BDH1: variants seen among roughly 807,000 people sequenced by gnomAD.
The protein encoded by BDH1 is D-beta-hydroxybutyrate dehydrogenase, mitochondrial.
BDH1 carries 30 observed loss-of-function variants against 33.1 expected under a neutral mutation model. That is an observed-to-expected ratio of 0.91 (90% confidence interval 0.68 to 1.23). The LOEUF is 1.23. BDH1 is among the 50% of genes most tolerant of loss of function. The pLI is 0.00. For synonymous variants in BDH1, 190 were observed against 183.6 expected, an observed-to-expected ratio of 1.03 and a Z score of -0.28; for missense variants, 443 against 464.4, an observed-to-expected ratio of 0.95 and a Z score of 0.42.
intron 6 of BDH1, among the ~76,000 whole-genome samples, chr3:197,519,374 G>C (rs956287088): frequency 2.2e-4 from 34 of 152,136 alleles, no homozygotes; most frequent in Middle Eastern, 3.4e-3. Context: ...AATAAGTGAA[G>C]CCCAGGTCAG....
At chr3:197,565,999 CTTTGT>C (rs1419598592) in intron 1 of BDH1, among the ~76,000 whole-genome samples, 1 of 152,236 alleles carries the variant, frequency 6.6e-6, no homozygotes, top group East Asian at 1.9e-4. Context: ...GTTGCTGATC[CTTTGT>C]TTTGTTTTTC....
At chr3:197,542,101 C>G (rs1715681228) in intron 3 of BDH1, among the ~76,000 whole-genome samples, 1 of 152,224 alleles carries the variant, frequency 6.6e-6, no homozygotes, top group Admixed American at 6.5e-5. Context: ...TTTTGCTTTC[C>G]CGATGCAGGT....
intron 1 of BDH1, among the ~76,000 whole-genome samples, chr3:197,567,233 A>G (rs1018963329): frequency 1.3e-5 from 2 of 152,168 alleles, no homozygotes; most frequent in African/African-American, 4.8e-5. Context: ...CTTTCTCCAA[A>G]AGATTTTAAA....
intron 3 of BDH1, among the ~76,000 whole-genome samples, chr3:197,542,832 A>G (rs1198258182): frequency 6.6e-6 from 1 of 152,072 alleles, no homozygotes; most frequent in Admixed American, 6.5e-5. Context: ...CGGTCAACAC[A>G]CTTTCTGAAG....
At chr3:197,539,492 C>T (rs1043517543) in intron 3 of BDH1, among the ~76,000 whole-genome samples, 2 of 152,210 alleles carry the variant, frequency 1.3e-5, no homozygotes, top group African/African-American at 4.8e-5. Flanking sequence ...AACAAACCTC[C>T]TTCTTGCCTG....
upstream of BDH1, among the ~76,000 whole-genome samples, chr3:197,556,526 G>T (rs1717052227): frequency 6.6e-6 from 1 of 152,118 alleles, no homozygotes; most frequent in Non-Finnish European, 1.5e-5. Context: ...AAGTTAGCAG[G>T]GCGCGGTGGC....
chr3:197,551,590 G>A (rs1267526850), intron 2 of BDH1, among the ~76,000 whole-genome samples: 2 of 152,160 alleles, frequency 1.3e-5, no homozygotes, highest in African/African-American at 4.8e-5. Flanking sequence ...TATATACCCA[G>A]CAGTGGCACT....
intron 3 of BDH1, among the ~76,000 whole-genome samples, chr3:197,544,674 T>C (rs1579974934): frequency 6.6e-6 from 1 of 152,246 alleles, no homozygotes; most frequent in East Asian, 1.9e-4. Flanking sequence ...TGGGGCATTC[T>C]AAACTCTTCT....
intron 3 of BDH1, among the ~76,000 whole-genome samples, chr3:197,542,600 C>A (rs1313285003): frequency 6.8e-6 from 1 of 146,204 alleles, no homozygotes; most frequent in South Asian, 2.1e-4. Flanking sequence ...CTCGGCTCAC[C>A]GCAACCTCTT....
At chr3:197,548,117 G>A (rs549430504) in intron 2 of BDH1, among the ~76,000 whole-genome samples, 10 of 152,358 alleles carry the variant, frequency 6.6e-5, no homozygotes, top group Admixed American at 2.0e-4. Flanking sequence ...GGAGCTGAGC[G>A]GGCTCCCGCA....
Position 197,522,991 on chromosome 3 carries a change from C to G in BDH1, c.268-210G>C. 1 of 566,870 alleles carries G rather than the reference C, an allele frequency of 1.8e-6. No homozygotes were observed. 35.1% of individuals were successfully genotyped at this position (566,870 alleles called of 1,614,324 possible). On this transcript the variant is annotated intron_variant, in intron 5 of 7. Coordinates refer to ENST00000392379, the MANE Select transcript of BDH1 (RefSeq NM_203314.3). This position sits in a 1 kb window ranked among gnomAD's most constrained non-coding sequence, Gnocchi z 4.8. ...CAAGCATCAAGCTATGTGCCACAGA[C>G]ACAACCATGAATAGGATGAAGAGCC...
intron 1 of BDH1, among the ~76,000 whole-genome samples, chr3:197,555,077 C>A (rs1043672140): frequency 7.2e-5 from 11 of 152,270 alleles, no homozygotes; most frequent in African/African-American, 2.7e-4. Flanking sequence ...TGGACTCCCA[C>A]CCTGGCCAGT....
Position 197,544,805 on chromosome 3 carries a change from G to T in BDH1, c.83+1556C>A, listed in dbSNP as rs574566743. On this transcript the variant is annotated intron_variant, in intron 3 of 7. Coordinates refer to ENST00000392379, the MANE Select transcript of BDH1 (RefSeq NM_203314.3). Reference sequence around the variant, plus strand: ...CGGGCGTGGTGAATCCCAGCACTTTGGGAGGCCGAGGCAGGCGGATCAGTT... The same window carrying T: ...CGGGCGTGGTGAATCCCAGCACTTTTGGAGGCCGAGGCAGGCGGATCAGTT... Among the ~76,000 whole-genome samples the T allele has an allele frequency of 6.6e-5, 10 of 152,370 alleles. No individual in the cohort carries two copies. In the South Asian group the frequency reaches 2.1e-3, roughly 32 times the overall value.
chr3:197,554,686 A>C lies in BDH1; in HGVS notation c.-168T>G, dbSNP rs1185076278. 6.6e-6 allele frequency: 1 copy of C among 151,958 alleles called. No homozygotes were observed. The highest frequency in any genetic ancestry group is 1.5e-5 in the Non-Finnish European group (1 of 67,962). 9.4% of individuals were successfully genotyped at this position (151,958 alleles called of 1,614,324 possible). A position where few individuals can be genotyped will look rare whatever the true frequency, so the allele number is the denominator to read the frequency against. ...CTGCAGGGTGACTCTGCATCAGCTGACTACAGGCAGATTTCCAGGCTGACT... is the reference window on the plus strand; with the variant it reads ...CTGCAGGGTGACTCTGCATCAGCTGCCTACAGGCAGATTTCCAGGCTGACT... On this transcript the variant is annotated 5_prime_UTR_variant, in exon 2 of 8. Coordinates refer to ENST00000392379, the MANE Select transcript of BDH1 (RefSeq NM_203314.3). This position sits in a 1 kb window ranked among gnomAD's most constrained non-coding sequence, Gnocchi z 4.4.
At chr3:197,532,263 T>C (rs1458662590) in intron 5 of BDH1, 149 bp downstream of exon 5, 5 of 643,474 alleles carry the variant, frequency 7.8e-6, no homozygotes, top group African/African-American at 5.5e-5. Flanking sequence ...GACAAAGCTA[T>C]GAAGAACAAG....
intron 2 of BDH1, among the ~76,000 whole-genome samples, chr3:197,551,976 T>A (rs1438044161): frequency 6.6e-6 from 1 of 152,178 alleles, no homozygotes; most frequent in African/African-American, 2.4e-5. Context: ...CTCCGCACCA[T>A]GACGAGCACT....
At chr3:197,515,462 C>T (rs1265742634) in intron 6 of BDH1, 1 of 985,632 alleles carries the variant, frequency 1.0e-6, no homozygotes, top group East Asian at 1.1e-4. Context: ...TTCTTCTCTT[C>T]CCAGGAGGAG....
chr3:197,542,977 G>C lies in BDH1; in HGVS notation c.83+3384C>G. The C allele has an allele frequency of 5.1e-6, 5 of 985,180 alleles. No individual in the cohort carries two copies. In the South Asian group the frequency reaches 2.3e-4, roughly 46 times the overall value. The allele number at this position is 985,180 out of a possible 1,614,324, so 61.0% of individuals were successfully genotyped here. Reference sequence around the variant, plus strand: ...CCAAGGCCCTGTGGAAGAGCCTGCTGTCCTCAGCGCCCTGGTCATCCCGGC... The same window carrying C: ...CCAAGGCCCTGTGGAAGAGCCTGCTCTCCTCAGCGCCCTGGTCATCCCGGC... On this transcript the variant is annotated intron_variant, in intron 3 of 7. Transcript: ENST00000392379.
At position 197,522,539 on chromosome 3, in the gene BDH1, G is replaced by A; in HGVS notation, c.409+101C>T. The A allele has an allele frequency of 1.4e-6, 2 of 1,460,606 alleles. No individual in the cohort carries two copies. Among genetic ancestry groups the A allele is most frequent in the Non-Finnish European group, 1.9e-6 (2 of 1,061,170 alleles). 90.5% of individuals were successfully genotyped at this position (1,460,606 alleles called of 1,614,324 possible). ...GGAAGAGCCTAAACAATAAGGAAGG[G>A]AGTGTGGTGGCAGGATGCCAGCCAG... On this transcript the variant is annotated intron_variant, in intron 6 of 7. Transcript: ENST00000392379. This position sits in a 1 kb window ranked among gnomAD's most constrained non-coding sequence, Gnocchi z 4.8.
Sources: gnomAD v4.1 joint callset for allele counts (sites outside exome capture counted in the v4.1 genomes callset) on GRCh38, gnomAD v4.1.1 for gene constraint, Gnocchi (gnomAD v3.1) non-coding constraint, MANE v1.5 for transcripts, NCBI Gene and HGNC (gene_info 2026-07-23, HGNC 2026-07-21) for gene names.